ANKRD30B: variants seen among roughly 807,000 people sequenced by gnomAD.
ANKRD30B encodes the protein ankyrin repeat domain 30B.
In ANKRD30B, 144 loss-of-function variants were observed where a neutral mutation model predicts 202.2. The ratio of observed to expected loss-of-function variants is 0.71; its 90% CI spans 0.62 to 0.82. ANKRD30B has a LOEUF of 0.82. ANKRD30B is among the 40% of genes least tolerant of loss of function. The pLI is 0.00. For missense variants in ANKRD30B, 1,487 were observed against 1,669.1 expected (o/e 0.89, Z 1.90); for synonymous variants, 508 against 561.3 (o/e 0.91, Z 1.34).
chr18:14,839,968 G>A (rs1971346633), intron 36 of ANKRD30B, among the ~76,000 whole-genome samples: 1 of 152,122 alleles, frequency 6.6e-6, no homozygotes, highest in Non-Finnish European at 1.5e-5. Flanking sequence ...ACAGTGTAAG[G>A]CAGATACTTT....
chr18:14,753,842 T>G (rs1913879580), intron 3 of ANKRD30B, among the ~76,000 whole-genome samples: 1 of 152,040 alleles, frequency 6.6e-6, no homozygotes, highest in Non-Finnish European at 1.5e-5. Context: ...TCAAGTGATT[T>G]AGGGGCTTCT....
At chr18:14,855,025 C>T (rs9676054), downstream of ANKRD30B, among the ~76,000 whole-genome samples, 2,451 of 152,166 alleles carry the variant, frequency 0.016, 66 homozygotes, top group African/African-American at 0.056. Flanking sequence ...ACAAAGGTCT[C>T]TGGTTTTCCT....
chr18:14,866,546 G>A, the ANKRD30B span, among the ~76,000 whole-genome samples: 2 of 152,210 alleles, frequency 1.3e-5, no homozygotes, highest in Non-Finnish European at 2.9e-5. Context: ...CCCAACGCTG[G>A]CAGCTGGAGC....
chr18:14,921,340 T>C, the ANKRD30B span, among the ~76,000 whole-genome samples: 1 of 149,646 alleles, frequency 6.7e-6, no homozygotes, highest in Non-Finnish European at 1.5e-5. Flanking sequence ...AGGAGACAAA[T>C]GAGGTGCGTG....
chr18:14,880,566 G>GTTT, the ANKRD30B span, among the ~76,000 whole-genome samples: 2,488 of 128,682 alleles, frequency 0.019, 93 homozygotes, highest in African/African-American at 0.053. Flanking sequence ...TTCTTTCTTG[G>GTTT]TTTTTTTTTT....
chr18:14,905,811 C>A, the ANKRD30B span: 2 of 152,256 alleles, frequency 1.3e-5, no homozygotes, highest in African/African-American at 4.8e-5. Flanking sequence ...CAGAGTCAAG[C>A]TGGAATTTGG....
chr18:14,777,147 C>T (rs561155267), intron 9 of ANKRD30B, among the ~76,000 whole-genome samples: 1 of 151,974 alleles, frequency 6.6e-6, no homozygotes, highest in Admixed American at 6.6e-5. Flanking sequence ...ATTTATTTTC[C>T]ATGCTCAGTA....
chr18:14,829,333 G>A (rs1384702971), intron 33 of ANKRD30B, among the ~76,000 whole-genome samples: 2 of 152,142 alleles, frequency 1.3e-5, no homozygotes, highest in African/African-American at 2.4e-5. Context: ...GGTAGCAGAA[G>A]TAATATTTAA....
At chr18:14,930,666 T>A in the ANKRD30B span, among the ~76,000 whole-genome samples, 1 of 152,108 alleles carries the variant, frequency 6.6e-6, no homozygotes, top group African/African-American at 2.4e-5. Context: ...AGGCCCTTCC[T>A]GGAGTCTCCC....
Position 14,851,544 on chromosome 18 carries a change from T to G in ANKRD30B, c.3600T>G (p.Phe1200Leu), listed in dbSNP as rs759142605. 7 of 1,564,822 alleles carry G rather than the reference T, an allele frequency of 4.5e-6. No individual in the cohort carries two copies. The South Asian group carries it at 8.4e-5, about 19-fold the overall frequency. ...CTCATGAAAGTGAAAATGATCTCTTTCATGAAAATTGCATGTTGAAAAAGG... is the reference window on the plus strand; with the variant it reads ...CTCATGAAAGTGAAAATGATCTCTTGCATGAAAATTGCATGTTGAAAAAGG... ...SHTHESENDL[F>L]HENCMLKKEI... is the part of the protein sequence containing the mutation. The change falls in exon 42 of 44, where the codon TTT becomes TTG. Residue 1200 changes from phenylalanine (F) to leucine (L), a missense_variant. Transcript: ENST00000690538.
rs1434649720 is a variant in ANKRD30B at position 14,805,114 on chromosome 18, A to G, written c.2284+1290A>G. Among the ~76,000 whole-genome samples the G allele has an allele frequency of 1.2e-4, 18 of 150,704 alleles. 2 individuals are homozygous for G. Among genetic ancestry groups the G allele is most frequent in the African/African-American group, 4.4e-4 (18 of 40,732 alleles). The stretch of plus-strand genomic sequence containing the variant: ...TGTTGATATTCACAATTTGAATAAG[A>G]CATACTAGAATGTAAGAACCTTGGC... On this transcript the variant is annotated intron_variant, in intron 24 of 43. Transcript: ENST00000690538.
the ANKRD30B span, among the ~76,000 whole-genome samples, chr18:14,898,039 G>A: frequency 6.6e-6 from 1 of 151,996 alleles, no homozygotes; most frequent in Non-Finnish European, 1.5e-5. Flanking sequence ...GTGCACTACC[G>A]GAGTGCAGGG....
chr18:14,896,454 ATCTAAAAATGT>A, the ANKRD30B span, among the ~76,000 whole-genome samples: 2 of 151,780 alleles, frequency 1.3e-5, no homozygotes, highest in Non-Finnish European at 2.9e-5. Context: ...ATTTTTTTAA[ATCTAAAAATGT>A]TCTAAAATAC....
chr18:14,759,438 A>G (rs1379061663), intron 5 of ANKRD30B: 1 of 152,234 alleles, frequency 6.6e-6, no homozygotes, highest in Non-Finnish European at 1.5e-5. Flanking sequence ...AGATGTGGTA[A>G]CACATAGGAT....
At chr18:14,856,127 G>A (rs2143298388), downstream of ANKRD30B, among the ~76,000 whole-genome samples, 1 of 144,764 alleles carries the variant, frequency 6.9e-6, no homozygotes, top group South Asian at 2.2e-4. Flanking sequence ...GGGAGACCAG[G>A]AAGAGGTGCT....
At chr18:14,883,405 A>G in the ANKRD30B span, 1 of 40,596 alleles carries the variant, frequency 2.5e-5, no homozygotes, top group Admixed American at 3.3e-4. Context: ...CTCTCTATAT[A>G]TATATATATA....
chr18:14,883,567 G>A, the ANKRD30B span: 2 of 149,714 alleles, frequency 1.3e-5, no homozygotes, highest in African/African-American at 4.9e-5. Context: ...TGGGTAAATG[G>A]TGGCTGATTG....
intron 34 of ANKRD30B, among the ~76,000 whole-genome samples, chr18:14,831,876 A>G (rs1970960525): frequency 6.6e-6 from 1 of 152,224 alleles, no homozygotes; most frequent in Admixed American, 6.5e-5. Flanking sequence ...CCTTAAAATT[A>G]TCTTTAATGG....
At chr18:14,903,610 C>G in the ANKRD30B span, 1 of 152,222 alleles carries the variant, frequency 6.6e-6, no homozygotes, top group Non-Finnish European at 1.5e-5. Flanking sequence ...TCCCTCTGGT[C>G]TCTATGTAGA....
Sources: gnomAD v4.1 joint callset for allele counts (sites outside exome capture counted in the v4.1 genomes callset) on GRCh38, gnomAD v4.1.1 for gene constraint, MANE v1.5 for transcripts, NCBI Gene and HGNC (gene_info 2026-07-23, HGNC 2026-07-21) for gene names.